ECT2L: variants seen among roughly 807,000 people sequenced by gnomAD.
ECT2L encodes epithelial cell-transforming sequence 2 oncogene-like.
In ECT2L, 126 loss-of-function variants were observed where a neutral mutation model predicts 122.8. That is an observed-to-expected ratio of 1.03 (90% CI 0.89 to 1.19). ECT2L has a LOEUF of 1.19. Among genes scored for constraint, ECT2L ranks in the 50% most tolerant of loss-of-function variants. The pLI, the probability that ECT2L is intolerant of heterozygous loss-of-function variation, is 0.00. For missense variants in ECT2L, 1,012 were observed against 1,064.1 expected, an observed-to-expected ratio of 0.95 and a Z score of 0.68; for synonymous variants, 385 against 381.8, an observed-to-expected ratio of 1.01 and a Z score of -0.10.
intron 8 of ECT2L, among the ~76,000 whole-genome samples, chr6:138,847,472 A>G (rs1434012614): frequency 7.7e-6 from 1 of 129,830 alleles, no homozygotes; most frequent in African/African-American, 2.9e-5. Flanking sequence ...CCGGGTTCAC[A>G]CCATTCTCCT....
At chr6:138,887,436 C>T (rs1778867034) in intron 19 of ECT2L, among the ~76,000 whole-genome samples, 1 of 151,948 alleles carries the variant, frequency 6.6e-6, no homozygotes, top group Admixed American at 6.6e-5. Context: ...CCGTGTTAGC[C>T]AGGATAGTCT....
At chr6:138,852,141 G>A (rs576232916) in intron 9 of ECT2L, among the ~76,000 whole-genome samples, 19 of 152,320 alleles carry the variant, frequency 1.2e-4, no homozygotes, top group Non-Finnish European at 2.2e-4. Flanking sequence ...TTAGCTGGGC[G>A]TGGTGGCACA....
At chr6:138,891,357 T>A (rs1779017941) in intron 20 of ECT2L, among the ~76,000 whole-genome samples, 1 of 152,188 alleles carries the variant, frequency 6.6e-6, no homozygotes, top group Non-Finnish European at 1.5e-5. Context: ...TCTTTCCAGG[T>A]CTTTTCCTGA....
chr6:138,805,301 C>A (rs1219706429), intron 1 of ECT2L, among the ~76,000 whole-genome samples: 1 of 152,110 alleles, frequency 6.6e-6, no homozygotes, highest in South Asian at 2.1e-4. Flanking sequence ...ATATTTTAGT[C>A]CACATGTATA....
chr6:138,881,294 T>G, intron 15 of ECT2L, 123 bp downstream of exon 15: 4 of 942,702 alleles, frequency 4.2e-6, no homozygotes, highest in Non-Finnish European at 6.3e-6. Context: ...ACCCTGATTA[T>G]AGCAGCGAGA....
chr6:138,886,695 G>A (rs989323478), intron 18 of ECT2L, among the ~76,000 whole-genome samples, 162 bp from the exon 19 acceptor site: 3 of 152,098 alleles, frequency 2.0e-5, no homozygotes, highest in Non-Finnish European at 4.4e-5. Context: ...TGGGATTACA[G>A]ACGAAAGTCA....
At chr6:138,850,157 C>T (rs900564150) in intron 9 of ECT2L, among the ~76,000 whole-genome samples, 9 of 148,418 alleles carry the variant, frequency 6.1e-5, no homozygotes, top group African/African-American at 2.3e-4. Context: ...TTTCTTTTTT[C>T]GAGACAGAGT....
chr6:138,846,359 G>A (rs1777218858), intron 7 of ECT2L, among the ~76,000 whole-genome samples, 180 bp from the exon 8 acceptor site: 1 of 152,126 alleles, frequency 6.6e-6, no homozygotes, highest in Non-Finnish European at 1.5e-5. Flanking sequence ...AACAGATTTG[G>A]CCTCACTACA....
intron 20 of ECT2L, among the ~76,000 whole-genome samples, chr6:138,893,037 A>G (rs1161119318): frequency 6.6e-6 from 1 of 152,140 alleles, no homozygotes; most frequent in African/African-American, 2.4e-5. Context: ...TTTTAGCTGT[A>G]ATCCCATTAT....
intron 4 of ECT2L, among the ~76,000 whole-genome samples, chr6:138,815,465 G>A (rs1212217985): frequency 3.9e-5 from 6 of 152,294 alleles, no homozygotes. Context: ...GTGGCAGGAT[G>A]GTTTTCCAGC....
At chr6:138,828,933 T>C (rs1436678418) in intron 4 of ECT2L, among the ~76,000 whole-genome samples, 1 of 152,112 alleles carries the variant, frequency 6.6e-6, no homozygotes, top group African/African-American at 2.4e-5. Flanking sequence ...AACTCTTGAG[T>C]TCTTTTGACA....
rs1400256628 is a variant in ECT2L, at chr6:138,856,308, C to T, written c.1198+2154C>T. On this transcript the variant is annotated intron_variant, in intron 10 of 21. Coordinates refer to ENST00000541398, the MANE Select transcript of ECT2L (RefSeq NM_001077706.3). ...CGGCTCACTGCAACCTTCCGCCTCC[C>T]GGGCTCAAGCGATTCTTCTGCCTCA... Among the ~76,000 whole-genome samples, 5 of 152,364 alleles carry T rather than the reference C, an allele frequency of 3.3e-5. No individual in the cohort carries two copies. The South Asian group carries it at 6.2e-4, about 19-fold the overall frequency.
In ECT2L at chr6:138,806,511, C is replaced by CTT. The variant is rs57786220; in HGVS notation, c.-243-6309_-243-6308dup. 1.4e-3 allele frequency among the ~76,000 whole-genome samples: 125 copies of CTT among 89,656 alleles called. 4 individuals carry two copies. Among genetic ancestry groups the CTT allele is most frequent in the Middle Eastern group, 0.011 (1 of 94 alleles). The allele number at this position is 89,656 out of a possible 152,430, so 58.8% of individuals were successfully genotyped here. A position where few individuals can be genotyped will look rare whatever the true frequency, so the allele number is the denominator to read the frequency against. ...TCCCCTGTGCAGCTGAAAATTCACGCTTTTTTTTTTTTTTTTTTTGAGATG... is the reference window on the plus strand; with the variant it reads ...TCCCCTGTGCAGCTGAAAATTCACGCTTTTTTTTTTTTTTTTTTTTTGAGATG... On this transcript the variant is annotated intron_variant, in intron 1 of 21. Transcript: ENST00000541398.
At chr6:138,806,945 T>G (rs907475073) in intron 1 of ECT2L, among the ~76,000 whole-genome samples, 5 of 151,936 alleles carry the variant, frequency 3.3e-5, no homozygotes, top group African/African-American at 1.2e-4. Flanking sequence ...CTCAAGAAAG[T>G]AAACTAGAGA....
chr6:138,827,607 A>C (rs574691245), intron 4 of ECT2L, among the ~76,000 whole-genome samples: 2 of 152,076 alleles, frequency 1.3e-5, no homozygotes, highest in Admixed American at 1.3e-4. Flanking sequence ...CCCGGGCTGG[A>C]GTGCAGCCGC....
chr6:138,902,961 A>G lies in ECT2L; in HGVS notation c.*334A>G, dbSNP rs1466941420. 4.1e-6 allele frequency: 1 copy of G among 244,264 alleles called. No individual in the cohort carries two copies. The allele number at this position is 244,264 out of a possible 1,614,324, so 15.1% of individuals were successfully genotyped here. A position where few individuals can be genotyped will look rare whatever the true frequency, so the allele number is the denominator to read the frequency against. On this transcript the variant is annotated 3_prime_UTR_variant, in exon 22 of 22. Coordinates refer to ENST00000541398, the MANE Select transcript of ECT2L (RefSeq NM_001077706.3). ...CTTTGTTTTATGATCTAATGAAAAA[A>G]GCAGAATGAAAGTGTTTCTTAAGTG...
intron 9 of ECT2L, among the ~76,000 whole-genome samples, chr6:138,850,971 GC>G (rs1206948136): frequency 9.0e-6 from 1 of 110,948 alleles, no homozygotes; most frequent in Non-Finnish European, 1.7e-5. Context: ...TCCAGCCTGG[GC>G]AATAAGAGCG....
chr6:138,824,766 C>T (rs1221420290), intron 4 of ECT2L, among the ~76,000 whole-genome samples: 2 of 151,992 alleles, frequency 1.3e-5, no homozygotes, highest in Non-Finnish European at 2.9e-5. Context: ...TCGCCGTACC[C>T]CAGACATGTC....
chr6:138,823,279 T>A (rs1333873967), intron 4 of ECT2L: 1 of 1,575,438 alleles, frequency 6.3e-7, no homozygotes, highest in Non-Finnish European at 8.6e-7. Flanking sequence ...TTTTATACAG[T>A]AAATGACAAT....
Sources: allele counts gnomAD v4.1 joint callset (sites outside exome capture counted in the v4.1 genomes callset), GRCh38; gene constraint gnomAD v4.1.1; transcripts MANE v1.5; gene names NCBI Gene and HGNC (gene_info 2026-07-23, HGNC 2026-07-21).